The following DNAJC5B variants were observed in gnomAD, a reference collection of about 807,000 sequenced individuals.
DNAJC5B encodes dnaJ homolog subfamily C member 5B.
In DNAJC5B, 23 loss-of-function variants were observed where a neutral mutation model predicts 24.7. The observed-to-expected ratio is 0.93, with a 90% CI of 0.67 to 1.32. The LOEUF (loss-of-function observed/expected upper bound fraction) is 1.32, where lower values mean the gene tolerates loss of function less well. Among genes scored for constraint, DNAJC5B ranks in the 40% most tolerant of loss-of-function variants. DNAJC5B has a pLI of 0.00. For missense variants in DNAJC5B, 238 were observed against 240.8 expected (o/e 0.99, Z 0.08); for synonymous variants, 101 against 90.1 (o/e 1.12, Z -0.68).
intron 3 of DNAJC5B, among the ~76,000 whole-genome samples, chr8:66,075,210 G>A (rs545138691): frequency 1.3e-5 from 2 of 152,148 alleles, no homozygotes; most frequent in Non-Finnish European, 2.9e-5. Context: ...GGGATTACAG[G>A]TATGTGCCAC....
intron 5 of DNAJC5B, among the ~76,000 whole-genome samples, chr8:66,087,826 T>G (rs1485466585): frequency 6.6e-6 from 1 of 152,178 alleles, no homozygotes; most frequent in East Asian, 1.9e-4. Context: ...CCTGTGGCTC[T>G]GCAGGGTACA....
chr8:66,049,562 T>C lies in DNAJC5B; in HGVS notation c.-17-1969T>C, dbSNP rs189838325. On this transcript the variant is annotated intron_variant, in intron 2 of 5. Coordinates refer to ENST00000276570, the MANE Select transcript of DNAJC5B (RefSeq NM_033105.6). Reference sequence around the variant, plus strand: ...CATATAGCCTTGGTGTGTAGTAGGCTCTATTATCTAGGTTTGTGTAAATAC... The same window carrying C: ...CATATAGCCTTGGTGTGTAGTAGGCCCTATTATCTAGGTTTGTGTAAATAC... Among the ~76,000 whole-genome samples, 566 of 152,336 alleles carry C rather than the reference T, an allele frequency of 3.7e-3. 9 individuals carry two copies. Among genetic ancestry groups the C allele is most frequent in the Admixed American group, 0.034 (517 of 15,302 alleles).
At chr8:66,065,067 T>C (rs560629654) in intron 3 of DNAJC5B, among the ~76,000 whole-genome samples, 1 of 152,354 alleles carries the variant, frequency 6.6e-6, no homozygotes, top group African/African-American at 2.4e-5. Flanking sequence ...GGAAATACTT[T>C]TCAAGCGATG....
chr8:66,059,760 A>G (rs942437711), intron 3 of DNAJC5B, among the ~76,000 whole-genome samples: 8 of 152,176 alleles, frequency 5.3e-5, no homozygotes, highest in Admixed American at 2.6e-4. Context: ...CCTGTAGCTG[A>G]TGCTGCTTTG....
At chr8:66,072,809 A>G (rs751643779) in intron 3 of DNAJC5B, among the ~76,000 whole-genome samples, 4 of 152,218 alleles carry the variant, frequency 2.6e-5, no homozygotes, top group African/African-American at 4.8e-5. Context: ...TTAAAAATAC[A>G]TAATGACCAA....
intron 3 of DNAJC5B, among the ~76,000 whole-genome samples, chr8:66,053,933 AC>A (rs964276600): frequency 1.6e-5 from 2 of 124,328 alleles, no homozygotes; most frequent in Non-Finnish European, 3.2e-5. Context: ...CTGGCCTACT[AC>A]CCTTTTTTTT....
intron 4 of DNAJC5B, among the ~76,000 whole-genome samples, chr8:66,078,204 A>G (rs1363560241): frequency 6.6e-6 from 1 of 152,172 alleles, no homozygotes; most frequent in African/African-American, 2.4e-5. Flanking sequence ...ATTCACATGG[A>G]CAAGCAGAAT....
At chr8:66,090,479 G>T (rs890119956) in intron 5 of DNAJC5B, among the ~76,000 whole-genome samples, 8 of 151,920 alleles carry the variant, frequency 5.3e-5, no homozygotes, top group African/African-American at 1.9e-4. Context: ...AAAAAACTGT[G>T]GAGTCATGAT....
intron 5 of DNAJC5B, among the ~76,000 whole-genome samples, chr8:66,095,604 T>A (rs1193069593): frequency 6.6e-6 from 1 of 151,684 alleles, no homozygotes; most frequent in African/African-American, 2.4e-5. Context: ...TGTTCTTACA[T>A]TAAAAATTTA....
At chr8:66,035,680 C>T (rs781481223) in intron 1 of DNAJC5B, among the ~76,000 whole-genome samples, 9 of 152,202 alleles carry the variant, frequency 5.9e-5, no homozygotes, top group Non-Finnish European at 1.3e-4. Context: ...TGACTTCTGA[C>T]TTCTGGCCTC....
chr8:66,083,173 G>A lies in DNAJC5B; in HGVS notation c.505+2625G>A, dbSNP rs554365963. On this transcript the variant is annotated intron_variant, in intron 5 of 5. Coordinates refer to ENST00000276570, the MANE Select transcript of DNAJC5B (RefSeq NM_033105.6). ...ACTACAGGCATGTGCCACCACACCC[G>A]GCTAATTTTTTGTATTTTTAGTAGA... Among the ~76,000 whole-genome samples, 20 of 151,588 alleles carry A rather than the reference G, an allele frequency of 1.3e-4. No homozygotes were observed. In the South Asian group the frequency reaches 1.7e-3, roughly 13 times the overall value.
chr8:66,048,047 C>A (rs1806760870), intron 2 of DNAJC5B, among the ~76,000 whole-genome samples: 1 of 152,160 alleles, frequency 6.6e-6, no homozygotes, highest in Admixed American at 6.5e-5. Flanking sequence ...TTAGTCCACA[C>A]CATGCCCATT....
At chr8:66,049,185 T>C (rs989473664) in intron 2 of DNAJC5B, among the ~76,000 whole-genome samples, 4 of 152,124 alleles carry the variant, frequency 2.6e-5, no homozygotes, top group Admixed American at 6.5e-5. Context: ...TGTAATGGAG[T>C]TGAAGAATTA....
rs946301207 is a variant in DNAJC5B at position 66,100,472 on chromosome 8, G to A, written c.*441G>A. On this transcript the variant is annotated 3_prime_UTR_variant, in exon 6 of 6. Transcript: ENST00000276570. ...CTTATAAAGAGTTTTTGTGTGTGGAGCCTCTTCCGTGTCAATATTCAATAA... is the reference window on the plus strand; with the variant it reads ...CTTATAAAGAGTTTTTGTGTGTGGAACCTCTTCCGTGTCAATATTCAATAA... 1.3e-5 allele frequency: 2 copies of A among 152,448 alleles called. No individual in the cohort carries two copies. The highest frequency in any genetic ancestry group is 6.5e-5 in the Admixed American group (1 of 15,286). 9.4% of individuals were successfully genotyped at this position (152,448 alleles called of 1,614,324 possible). A position where few individuals can be genotyped will look rare whatever the true frequency, so the allele number is the denominator to read the frequency against.
In DNAJC5B at chr8:66,099,063, C is replaced by CACAA. The variant is rs1450058373; in HGVS notation, c.506-873_506-872insCAAA. On this transcript the variant is annotated intron_variant, in intron 5 of 5. Coordinates refer to ENST00000276570, the MANE Select transcript of DNAJC5B (RefSeq NM_033105.6). ...ACACACACACACACACACACACACA[C>CACAA]AACTTCTATTTCTCTACCTCTAATA... Among the ~76,000 whole-genome samples, 688 of 151,336 alleles carry CACAA rather than the reference C, an allele frequency of 4.5e-3. 2 individuals carry two copies. Among genetic ancestry groups the CACAA allele is most frequent in the African/African-American group, 0.016 (661 of 41,052 alleles).
chr8:66,054,464 G>T (rs1447089971), intron 3 of DNAJC5B, among the ~76,000 whole-genome samples: 1 of 152,172 alleles, frequency 6.6e-6, no homozygotes, highest in Non-Finnish European at 1.5e-5. Context: ...GAATGAGGTA[G>T]AATTCCAGAT....
At chr8:66,099,899 G>C (rs375855077) in intron 5 of DNAJC5B, 38 bp from the exon 6 acceptor site, 1 of 1,575,996 alleles carries the variant, frequency 6.3e-7, no homozygotes, top group South Asian at 1.1e-5. Flanking sequence ...ACTGTAACAT[G>C]ATGAGAGTGT....
intron 1 of DNAJC5B, among the ~76,000 whole-genome samples, chr8:66,032,457 T>C (rs1030431715): frequency 2.6e-5 from 4 of 152,234 alleles, no homozygotes; most frequent in Admixed American, 2.6e-4. Flanking sequence ...ATATTATTAT[T>C]TAATATTCAC....
At chr8:66,039,168 A>G (rs766950482) in intron 1 of DNAJC5B, among the ~76,000 whole-genome samples, 3 of 152,170 alleles carry the variant, frequency 2.0e-5, no homozygotes, top group Non-Finnish European at 4.4e-5. Context: ...CCCTGGAATT[A>G]CAAGCTCCTG....
Sources: allele counts gnomAD v4.1 joint callset (sites outside exome capture counted in the v4.1 genomes callset), GRCh38; gene constraint gnomAD v4.1.1; transcripts MANE v1.5; gene names NCBI Gene and HGNC (gene_info 2026-07-23, HGNC 2026-07-21).